The following TRAPPC12 variants were observed in gnomAD, a reference collection of about 807,000 sequenced individuals.
The protein encoded by TRAPPC12 is TPR repeat protein 15.
A neutral mutation model predicts 69.2 loss-of-function variants in TRAPPC12; 61 were observed. The observed-to-expected ratio is 0.88, with a 90% CI of 0.72 to 1.09. The LOEUF (loss-of-function observed/expected upper bound fraction) is 1.09. TRAPPC12 is among the 50% of genes least tolerant of loss of function. The pLI is 0.00. For synonymous variants in TRAPPC12, 469 were observed against 438.9 expected, an observed-to-expected ratio of 1.07 and a Z score of -0.86; for missense variants, 1,101 against 1,016.4, an observed-to-expected ratio of 1.08 and a Z score of -1.13.
chr2:3,403,572 T>C (rs981083881), intron 3 of TRAPPC12, among the ~76,000 whole-genome samples: 1 of 152,232 alleles, frequency 6.6e-6, no homozygotes, highest in African/African-American at 2.4e-5. Flanking sequence ...CCTAAAGATA[T>C]AATAGTTGAG....
chr2:3,403,357 C>T lies in TRAPPC12; in HGVS notation c.1164+1464C>T, dbSNP rs372656826. Among the ~76,000 whole-genome samples the T allele has an allele frequency of 9.2e-5, 14 of 151,390 alleles. No homozygotes were observed. In the East Asian group the frequency reaches 2.3e-3, roughly 25 times the overall value. The stretch of plus-strand genomic sequence containing the variant: ...AAGTGATTCTCCTGCCTCAGCTTCC[C>T]GAGTAGCTGGGATTACAGGCGTGCA... On this transcript the variant is annotated intron_variant, in intron 3 of 11. Transcript: ENST00000324266.
intron 6 of TRAPPC12, among the ~76,000 whole-genome samples, chr2:3,452,438 T>A (rs1281268161): frequency 6.6e-6 from 1 of 152,212 alleles, no homozygotes; most frequent in Non-Finnish European, 1.5e-5. Flanking sequence ...TGCTCAGGAA[T>A]GCATGGCCGC....
chr2:3,427,114 C>T (rs975008474), intron 5 of TRAPPC12, among the ~76,000 whole-genome samples: 26 of 152,204 alleles, frequency 1.7e-4, no homozygotes, highest in African/African-American at 6.0e-4. Context: ...TCAGTTATGC[C>T]TGGTAGCTAT....
chr2:3,442,541 C>T (rs1160519426), intron 5 of TRAPPC12, among the ~76,000 whole-genome samples: 1 of 152,174 alleles, frequency 6.6e-6, no homozygotes, highest in Non-Finnish European at 1.5e-5. Context: ...CAGATATTCT[C>T]TTGAGATACA....
intron 1 of TRAPPC12, among the ~76,000 whole-genome samples, chr2:3,383,508 C>G (rs1660324399): frequency 6.7e-6 from 1 of 149,174 alleles, no homozygotes; most frequent in South Asian, 2.2e-4. Flanking sequence ...AAGCGATTCT[C>G]CTGCCTCAGC....
At chr2:3,428,265 A>G (rs1663226196) in intron 5 of TRAPPC12, among the ~76,000 whole-genome samples, 1 of 152,254 alleles carries the variant, frequency 6.6e-6, no homozygotes, top group African/African-American at 2.4e-5. Flanking sequence ...AAATTATGAA[A>G]TAGACATAAA....
chr2:3,384,567 T>C (rs1660408726), intron 1 of TRAPPC12, among the ~76,000 whole-genome samples: 1 of 152,246 alleles, frequency 6.6e-6, no homozygotes, highest in Admixed American at 6.5e-5. Context: ...TCTATTGAGA[T>C]AGTCATGTAC....
chr2:3,422,074 G>A (rs1558369967), intron 4 of TRAPPC12, 80 bp downstream of exon 4: 1 of 1,062,134 alleles, frequency 9.4e-7, no homozygotes, highest in East Asian at 2.6e-5. Context: ...GGCCTTTCAT[G>A]CCAATAACAA....
chr2:3,408,404 A>T (rs1396189542), intron 3 of TRAPPC12, among the ~76,000 whole-genome samples: 1 of 152,182 alleles, frequency 6.6e-6, no homozygotes, highest in African/African-American at 2.4e-5. Flanking sequence ...AGGTGGGTGG[A>T]TCGTTTGAGC....
chr2:3,433,923 G>A (rs1663608853), intron 5 of TRAPPC12, among the ~76,000 whole-genome samples: 1 of 151,976 alleles, frequency 6.6e-6, no homozygotes, highest in East Asian at 1.9e-4. Flanking sequence ...CCCTGCAGGA[G>A]AGAGACGGGC....
intron 9 of TRAPPC12, among the ~76,000 whole-genome samples, chr2:3,465,966 C>T (rs890109958): frequency 1.3e-5 from 2 of 152,184 alleles, no homozygotes; most frequent in African/African-American, 2.4e-5. Context: ...TAGACATTGT[C>T]CTGCTGCAGT....
chr2:3,393,733 G>A (rs1660963063), intron 2 of TRAPPC12, among the ~76,000 whole-genome samples: 1 of 151,496 alleles, frequency 6.6e-6, no homozygotes, highest in South Asian at 2.1e-4. Context: ...CTTAACTTTA[G>A]TGTTCCATAA....
At chr2:3,423,448 G>A (rs948842539) in intron 4 of TRAPPC12, among the ~76,000 whole-genome samples, 4 of 151,914 alleles carry the variant, frequency 2.6e-5, no homozygotes, top group South Asian at 2.1e-4. Context: ...TATTCCTTGC[G>A]TCACTGGATT....
chr2:3,473,439 A>C (rs937781549), intron 9 of TRAPPC12, among the ~76,000 whole-genome samples: 1 of 152,120 alleles, frequency 6.6e-6, no homozygotes, highest in African/African-American at 2.4e-5. Context: ...ATTTAGACTA[A>C]AGTTTTCCGT....
At chr2:3,396,172 C>T (rs143851002) in intron 2 of TRAPPC12, among the ~76,000 whole-genome samples, 12 of 152,052 alleles carry the variant, frequency 7.9e-5, no homozygotes, top group Non-Finnish European at 1.0e-4. Context: ...GCCTCATCTT[C>T]GTTATTAAAG....
At chr2:3,448,189 G>A (rs1664620798) in intron 6 of TRAPPC12, among the ~76,000 whole-genome samples, 1 of 152,194 alleles carries the variant, frequency 6.6e-6, no homozygotes, top group African/African-American at 2.4e-5. Context: ...GGGAGGTGAA[G>A]TGTTCCCCAG....
chr2:3,424,427 ATG>A, intron 4 of TRAPPC12, 96 bp from the exon 5 acceptor site: 1 of 1,006,306 alleles, frequency 9.9e-7, no homozygotes, highest in Non-Finnish European at 1.5e-6. Flanking sequence ...ATTTTAATAT[ATG>A]AGAAATTAAC....
intron 5 of TRAPPC12, among the ~76,000 whole-genome samples, chr2:3,429,455 C>G (rs923136853): frequency 2.6e-5 from 4 of 152,178 alleles, no homozygotes; most frequent in Non-Finnish European, 5.9e-5. Context: ...TCATGCATCT[C>G]CAGGGACAGA....
chr2:3,428,430 C>T (rs186107401), intron 5 of TRAPPC12, among the ~76,000 whole-genome samples: 1 of 152,194 alleles, frequency 6.6e-6, no homozygotes, highest in Admixed American at 6.5e-5. Context: ...ATAAGCAGAG[C>T]AAGTTGTTAA....
Sources: allele counts gnomAD v4.1 joint callset (sites outside exome capture counted in the v4.1 genomes callset), GRCh38; gene constraint gnomAD v4.1.1; transcripts MANE v1.5; gene names NCBI Gene and HGNC (gene_info 2026-07-23, HGNC 2026-07-21).